The following NFATC1 variants were observed in gnomAD, a reference collection of about 807,000 sequenced individuals.
NFATC1 encodes the protein nuclear factor of activated T-cells, cytoplasmic 1.
Under a neutral mutation model 76.0 loss-of-function variants are expected in NFATC1, and 22 were observed. That is an observed-to-expected ratio of 0.29 (90% CI 0.21 to 0.41). The LOEUF (loss-of-function observed/expected upper bound fraction) is 0.41. Among genes scored for constraint, NFATC1 ranks in the 10% least tolerant of loss-of-function variants. The pLI is 1.00. For missense variants in NFATC1, 1,357 were observed against 1,337.7 expected, an observed-to-expected ratio of 1.01 and a Z score of -0.23; for synonymous variants, 704 against 613.1, an observed-to-expected ratio of 1.15 and a Z score of -2.19.
intron 9 of NFATC1, among the ~76,000 whole-genome samples, chr18:79,517,583 C>T (rs1044378699): frequency 2.0e-5 from 3 of 152,292 alleles, no homozygotes; most frequent in African/African-American, 7.2e-5. Context: ...GGCATCACGA[C>T]GGCCTTTTTT....
At chr18:79,485,739 A>AGC (rs2089473623) in intron 8 of NFATC1, among the ~76,000 whole-genome samples, 1 of 152,236 alleles carries the variant, frequency 6.6e-6, no homozygotes, top group Non-Finnish European at 1.5e-5. Flanking sequence ...GAGGCAGTCC[A>AGC]GCCTCCATGA....
chr18:79,432,565 G>A (rs1198932630), intron 2 of NFATC1, among the ~76,000 whole-genome samples: 1 of 152,236 alleles, frequency 6.6e-6, no homozygotes, highest in African/African-American at 2.4e-5. Flanking sequence ...CAGACTGAGC[G>A]GGAGAGGAGG....
chr18:79,455,729 C>T (rs2087676026), intron 6 of NFATC1, among the ~76,000 whole-genome samples: 1 of 152,082 alleles, frequency 6.6e-6, no homozygotes, highest in Non-Finnish European at 1.5e-5. Flanking sequence ...TGGTGGGACC[C>T]CAGCTCGCCC....
At chr18:79,492,864 A>G (rs920781662) in intron 9 of NFATC1, among the ~76,000 whole-genome samples, 12 of 132,748 alleles carry the variant, frequency 9.0e-5, no homozygotes, top group African/African-American at 3.4e-4. Context: ...ACAAAGCGAG[A>G]CTCCATCTCA....
intron 6 of NFATC1, among the ~76,000 whole-genome samples, chr18:79,455,680 G>A (rs1305157931): frequency 6.6e-6 from 1 of 151,970 alleles, no homozygotes; most frequent in Non-Finnish European, 1.5e-5. Flanking sequence ...GCCCTCCCCT[G>A]AGAAACCCCA....
chr18:79,520,630 ATG>A (rs1237036503), intron 9 of NFATC1, among the ~76,000 whole-genome samples: 1 of 38,844 alleles, frequency 2.6e-5, no homozygotes, highest in Non-Finnish European at 4.3e-5. Context: ...GCATCCACTG[ATG>A]TGTGTGTCTG....
At chr18:79,405,610 C>T (rs888642200) in intron 1 of NFATC1, among the ~76,000 whole-genome samples, 1 of 152,250 alleles carries the variant, frequency 6.6e-6, no homozygotes, top group Non-Finnish European at 1.5e-5. Context: ...GACCCCACAC[C>T]TTGCCCTTCT....
At chr18:79,504,321 C>G (rs189566217) in intron 9 of NFATC1, among the ~76,000 whole-genome samples, 15 of 152,272 alleles carry the variant, frequency 9.9e-5, no homozygotes, top group African/African-American at 3.1e-4. Flanking sequence ...TACTTGAAAA[C>G]TTGGAGGCTG....
chr18:79,438,257 C>G (rs956697206), intron 3 of NFATC1, among the ~76,000 whole-genome samples: 1 of 152,250 alleles, frequency 6.6e-6, no homozygotes, highest in Non-Finnish European at 1.5e-5. Flanking sequence ...CAGATGTGTT[C>G]CTCACATGAG....
chr18:79,455,126 C>T (rs2087632925), intron 6 of NFATC1, among the ~76,000 whole-genome samples: 1 of 152,264 alleles, frequency 6.6e-6, no homozygotes, highest in Non-Finnish European at 1.5e-5. Flanking sequence ...TGAGCCAGTT[C>T]TCGATGCTGG....
chr18:79,444,206 CGT>C (rs200105508), intron 3 of NFATC1, among the ~76,000 whole-genome samples: 1 of 151,952 alleles, frequency 6.6e-6, no homozygotes, highest in South Asian at 2.1e-4. Context: ...TGTGTGTGTG[CGT>C]GTGTGTGTGC....
chr18:79,427,710 GT>G (rs2086423662), intron 2 of NFATC1, among the ~76,000 whole-genome samples: 1 of 88,628 alleles, frequency 1.1e-5, no homozygotes, highest in Non-Finnish European at 2.4e-5. Context: ...AGTGGGTGGG[GT>G]TGGGGGGGTG....
At chr18:79,484,858 G>T (rs530172792) in intron 8 of NFATC1, among the ~76,000 whole-genome samples, 115 of 152,284 alleles carry the variant, frequency 7.6e-4, no homozygotes, top group African/African-American at 2.0e-3. Flanking sequence ...GGGGGGGGAA[G>T]AGGGCGGCTG....
Position 79,466,175 on chromosome 18 carries a change from C to CA in NFATC1, c.1960-1273dup, listed in dbSNP as rs565708112. Among the ~76,000 whole-genome samples, 52 of 152,326 alleles carry CA rather than the reference C, an allele frequency of 3.4e-4. 1 individual carries two copies. In the South Asian group the frequency reaches 0.011, roughly 31 times the overall value. On this transcript the variant is annotated intron_variant, in intron 7 of 9. Coordinates refer to ENST00000427363, the MANE Select transcript of NFATC1 (RefSeq NM_001278669.2). Reference sequence around the variant, plus strand: ...TTTGTAAATGAAAGAGCCTGGACCTCAAGTTGTCTTCAGTTTTCTGTCTTT... The same window carrying CA: ...TTTGTAAATGAAAGAGCCTGGACCTCAAAGTTGTCTTCAGTTTTCTGTCTTT...
At chr18:79,429,379 A>T (rs1328648757) in intron 2 of NFATC1, among the ~76,000 whole-genome samples, 74 of 150,492 alleles carry the variant, frequency 4.9e-4, no homozygotes, top group Non-Finnish European at 8.9e-5. Flanking sequence ...TTTTTTTTTT[A>T]TTTTTTCAGT....
At chr18:79,491,909 A>AT (rs1271781756) in intron 9 of NFATC1, among the ~76,000 whole-genome samples, 1 of 152,142 alleles carries the variant, frequency 6.6e-6, no homozygotes, top group East Asian at 1.9e-4. Context: ...GGGTCCATGA[A>AT]TTGAGTCACT....
At chr18:79,509,432 G>C (rs1276409445) in intron 9 of NFATC1, among the ~76,000 whole-genome samples, 1 of 152,228 alleles carries the variant, frequency 6.6e-6, no homozygotes, top group Non-Finnish European at 1.5e-5. Flanking sequence ...AGTGGGCGGC[G>C]AGGGGGTTGG....
At chr18:79,438,057 G>A (rs1322378879) in intron 3 of NFATC1, among the ~76,000 whole-genome samples, 1 of 152,228 alleles carries the variant, frequency 6.6e-6, no homozygotes, top group Admixed American at 6.5e-5. Context: ...CCACCTGCGT[G>A]TTCTCCATCT....
At chr18:79,449,510 C>T (rs970861752) in intron 4 of NFATC1, among the ~76,000 whole-genome samples, 2 of 152,254 alleles carry the variant, frequency 1.3e-5, no homozygotes, top group African/African-American at 2.4e-5. Context: ...GTGCTGGGCA[C>T]GCTGGCCCTA....
Sources: gnomAD v4.1 joint callset for allele counts (sites outside exome capture counted in the v4.1 genomes callset) on GRCh38, gnomAD v4.1.1 for gene constraint, MANE v1.5 for transcripts, NCBI Gene and HGNC (gene_info 2026-07-23, HGNC 2026-07-21) for gene names.